Variants in FAM20C observed in about 807,000 individuals in gnomAD.
FAM20C encodes extracellular serine/threonine protein kinase FAM20C.
A neutral mutation model predicts 51.5 loss-of-function variants in FAM20C; 40 were observed. The observed-to-expected ratio is 0.78, with a 90% CI of 0.60 to 1.01. The LOEUF (loss-of-function observed/expected upper bound fraction) is 1.01, where lower values mean the gene tolerates loss of function less well. Ranked by LOEUF, FAM20C falls within the 50% of genes least tolerant of loss-of-function variation. The pLI, the probability that FAM20C is intolerant of heterozygous loss-of-function variation, is 0.00. For synonymous variants in FAM20C, 406 were observed against 380.6 expected, an observed-to-expected ratio of 1.07 and a Z score of -0.78; for missense variants, 861 against 844.7, an observed-to-expected ratio of 1.02 and a Z score of -0.24.
chr7:232,179 C>T (rs78137899), intron 3 of FAM20C, among the ~76,000 whole-genome samples: 2,967 of 152,344 alleles, frequency 0.019, 35 homozygotes, highest in Middle Eastern at 0.054. Flanking sequence ...ACGCCCTGAG[C>T]TGCCTCCTCT....
intron 2 of FAM20C, among the ~76,000 whole-genome samples, chr7:197,998 C>G (rs529672236): frequency 7.2e-5 from 11 of 152,338 alleles, no homozygotes; most frequent in African/African-American, 2.4e-4. Flanking sequence ...CAGGGAATCC[C>G]TACCCCAGGA....
At chr7:193,832 C>G in intron 1 of FAM20C, 28 bp downstream of exon 1, 1 of 1,545,928 alleles carries the variant, frequency 6.5e-7, no homozygotes, top group African/African-American at 1.4e-5. Context: ...GGTGCCCACC[C>G]CCAAGGGAGC....
At position 241,635 on chromosome 7, in the gene FAM20C, C is replaced by T. The variant is rs1041611060; in HGVS notation, c.864-4780C>T. 8.6e-5 allele frequency among the ~76,000 whole-genome samples: 13 copies of T among 150,580 alleles called. No individual in the cohort carries two copies. In the East Asian group the frequency reaches 1.8e-3, roughly 20 times the overall value. On this transcript the variant is annotated intron_variant, in intron 3 of 9. Coordinates refer to ENST00000313766, the MANE Select transcript of FAM20C (RefSeq NM_020223.4). The stretch of plus-strand genomic sequence containing the variant: ...GCACACGTGTGCATCTGTGAGTGTG[C>T]GAGTGTATGGATGCACATGTGCATG...
intron 3 of FAM20C, among the ~76,000 whole-genome samples, chr7:235,559 A>T (rs1787822701): frequency 6.6e-6 from 1 of 152,234 alleles, no homozygotes; most frequent in Non-Finnish European, 1.5e-5. Flanking sequence ...TCGTCACATA[A>T]AAAGCAAAAC....
chr7:214,731 C>G (rs1031477151), intron 3 of FAM20C, among the ~76,000 whole-genome samples: 1 of 152,176 alleles, frequency 6.6e-6, no homozygotes, highest in African/African-American at 2.4e-5. Context: ...AGACCCGGCA[C>G]TGGCTTTCCA....
At chr7:205,917 T>C (rs1786358318) in intron 2 of FAM20C, among the ~76,000 whole-genome samples, 1 of 152,070 alleles carries the variant, frequency 6.6e-6, no homozygotes, top group Admixed American at 6.5e-5. Context: ...TCTGGGTCAG[T>C]TCTTCCCGTC....
Position 255,891 on chromosome 7 carries a change from C to T in FAM20C, c.1115C>T (p.Ser372Phe). Residue 372 changes from serine to phenylalanine, a missense_variant, in exon 6 of 10, where the codon TCC (serine) becomes TTC (phenylalanine). Transcript: ENST00000313766. Reference protein sequence around the residue: ...CFYGECSYYCSTEHALCGKPD... With the variant: ...CFYGECSYYCFTEHALCGKPD... The stretch of plus-strand genomic sequence containing the variant: ...TACGGCGAGTGTTCCTACTACTGCT[C>T]CACGGAGCACGCCCTGTGCGGGAAG... The T allele has an allele frequency of 6.5e-7, 1 of 1,536,472 alleles. No homozygotes were observed. Among genetic ancestry groups the T allele is most frequent in the Non-Finnish European group, 8.7e-7 (1 of 1,146,874 alleles).
chr7:196,946 C>G (rs527443204), intron 2 of FAM20C, among the ~76,000 whole-genome samples: 47 of 152,256 alleles, frequency 3.1e-4, no homozygotes, highest in African/African-American at 6.3e-4. Context: ...CCCTGCCCCC[C>G]TCCAGGCCCC....
intron 3 of FAM20C, chr7:229,443 G>C (rs1787575059): frequency 6.2e-6 from 1 of 160,094 alleles, no homozygotes; most frequent in African/African-American, 2.4e-5. Flanking sequence ...GCTGGTCCAG[G>C]TCCTGGCCGA....
At chr7:241,975 C>A (rs1017477966) in intron 3 of FAM20C, among the ~76,000 whole-genome samples, 1 of 152,156 alleles carries the variant, frequency 6.6e-6, no homozygotes, top group African/African-American at 2.4e-5. Context: ...GTGGTTAGAA[C>A]TAAACCACTC....
At chr7:250,351 G>A (rs1348944926) in intron 5 of FAM20C, among the ~76,000 whole-genome samples, 1 of 152,034 alleles carries the variant, frequency 6.6e-6, no homozygotes, top group Non-Finnish European at 1.5e-5. Context: ...GAGAAAAATA[G>A]GACAGAAAGC....
At chr7:201,526 T>C (rs1454757387) in intron 2 of FAM20C, among the ~76,000 whole-genome samples, 1 of 152,144 alleles carries the variant, frequency 6.6e-6, no homozygotes, top group Non-Finnish European at 1.5e-5. Flanking sequence ...ACCTCTCTCT[T>C]TCAGGGCCGT....
intron 3 of FAM20C, among the ~76,000 whole-genome samples, chr7:217,428 A>AGCCCCTCCCGGGTGCCCCCC (rs71016859): frequency 6.6e-6 from 1 of 151,674 alleles, no homozygotes; most frequent in Non-Finnish European, 1.5e-5. Context: ...GTAGAGCTGC[A>AGCCCCTCCCGGGTGCCCCCC]TTTGGCTGTT....
At chr7:212,291 C>T (rs1188412871) in intron 3 of FAM20C, among the ~76,000 whole-genome samples, 2 of 152,138 alleles carry the variant, frequency 1.3e-5, no homozygotes, top group East Asian at 1.9e-4. Flanking sequence ...GGTGAAACCC[C>T]ATCTCTACTA....
chr7:217,156 C>G (rs953402325), intron 3 of FAM20C, among the ~76,000 whole-genome samples: 1 of 152,168 alleles, frequency 6.6e-6, no homozygotes, highest in Non-Finnish European at 1.5e-5. Context: ...GCAGCTCAGA[C>G]AAACCTTTCC....
chr7:210,590 C>T (rs34863418), intron 3 of FAM20C, among the ~76,000 whole-genome samples: 41,792 of 151,918 alleles, frequency 0.28, 7,088 homozygotes, highest in Non-Finnish European at 0.35. Flanking sequence ...GGCAGACTCC[C>T]GCCTCCCACC....
chr7:257,798 GCTGGGTGGACCCACTGCCCGGGGT>G (rs1788651627), intron 8 of FAM20C, among the ~76,000 whole-genome samples: 1 of 121,712 alleles, frequency 8.2e-6, no homozygotes, highest in African/African-American at 3.0e-5. Flanking sequence ...CTGGAGATGG[GCTGGGTGGACCCACTGCCCGGGGT>G]GCTGGAGATG....
rs186181761 is a variant in FAM20C at position 211,580 on chromosome 7, C to T, written c.863+2604C>T. On this transcript the variant is annotated intron_variant, in intron 3 of 9. Transcript: ENST00000313766. ...GCTCCAGAGCCCCCTCCCTAGGACCCGTTTGTCAGGGCCCTGCCATCCCAG... is the reference window on the plus strand; with the variant it reads ...GCTCCAGAGCCCCCTCCCTAGGACCTGTTTGTCAGGGCCCTGCCATCCCAG... Among the ~76,000 whole-genome samples the T allele has an allele frequency of 5.4e-3, 818 of 152,222 alleles. 10 individuals are homozygous for T. Among genetic ancestry groups the T allele is most frequent in the African/African-American group, 0.018 (733 of 41,528 alleles).
chr7:212,848 G>C (rs28442235), intron 3 of FAM20C, among the ~76,000 whole-genome samples: 40,079 of 152,054 alleles, frequency 0.26, 6,161 homozygotes, highest in African/African-American at 0.43. Context: ...CACTTAAAGT[G>C]TGCAGCTTGG....
Sources: allele counts gnomAD v4.1 joint callset (sites outside exome capture counted in the v4.1 genomes callset), GRCh38; gene constraint gnomAD v4.1.1; transcripts MANE v1.5; gene names NCBI Gene and HGNC (gene_info 2026-07-23, HGNC 2026-07-21).